CAPN3: variants seen among roughly 807,000 people sequenced by gnomAD.
CAPN3 encodes calpain-3.
A neutral mutation model predicts 114.0 loss-of-function variants in CAPN3; 88 were observed. The observed-to-expected ratio is 0.77, with a 90% confidence interval of 0.65 to 0.92. The LOEUF is 0.92. Among genes scored for constraint, CAPN3 ranks in the 40% least tolerant of loss-of-function variants. CAPN3 has a pLI of 0.00. For missense variants in CAPN3, 1,028 were observed against 1,069.0 expected (o/e 0.96, Z 0.53); for synonymous variants, 386 against 382.9 (o/e 1.01, Z -0.09).
intron 6 of CAPN3, among the ~76,000 whole-genome samples, chr15:42,391,843 G>A (rs28364437): frequency 0.012 from 1,786 of 152,276 alleles, 25 homozygotes; most frequent in Non-Finnish European, 0.019. Context: ...TTCCAGGTGG[G>A]TGTGGAGGAG....
Position 42,412,012 on chromosome 15 carries a change from G to A in CAPN3, c.*239G>A. The A allele has an allele frequency of 1.3e-6, 2 of 1,507,554 alleles. No individual in the cohort carries two copies. Among genetic ancestry groups the A allele is most frequent in the Non-Finnish European group, 8.8e-7 (1 of 1,131,674 alleles). The allele number at this position is 1,507,554 out of a possible 1,614,324, so 93.4% of individuals were successfully genotyped here. On this transcript the variant is annotated 3_prime_UTR_variant, in exon 24 of 24. Coordinates refer to ENST00000397163, the MANE Select transcript of CAPN3 (RefSeq NM_000070.3). ...GAACAAACCCTTGTCCCTTTGCCATGTGGAGGAAAGTGCCTGCCTCTGGTC... is the reference window on the plus strand; with the variant it reads ...GAACAAACCCTTGTCCCTTTGCCATATGGAGGAAAGTGCCTGCCTCTGGTC...
chr15:42,411,633 G>C (rs997311261), intron 23 of CAPN3, 114 bp from the exon 24 acceptor site: 61 of 779,778 alleles, frequency 7.8e-5, no homozygotes, highest in Non-Finnish European at 1.3e-4. Context: ...AATCTTCTGG[G>C]GGTCTGACCT....
chr15:42,410,025 T>A, intron 19 of CAPN3, 30 bp downstream of exon 19: 1 of 1,605,894 alleles, frequency 6.2e-7, no homozygotes. Context: ...TTCCCGACCC[T>A]CTGTCATCAG....
chr15:42,381,345 TCTGATTAAG>T (rs2053246404), intron 1 of CAPN3, among the ~76,000 whole-genome samples: 2 of 152,206 alleles, frequency 1.3e-5, no homozygotes, highest in Admixed American at 1.3e-4. Flanking sequence ...CTTTTGTTTG[TCTGATTAAG>T]CTGCAGAATA....
intron 1 of CAPN3, among the ~76,000 whole-genome samples, chr15:42,363,599 CT>C (rs2052704559): frequency 6.6e-6 from 1 of 152,204 alleles, no homozygotes; most frequent in Non-Finnish European, 1.5e-5. Flanking sequence ...GCTCTCTGCC[CT>C]CCTTGCAGTA....
At chr15:42,390,700 C>G (rs2053529052) in intron 6 of CAPN3, among the ~76,000 whole-genome samples, 2 of 151,518 alleles carry the variant, frequency 1.3e-5, no homozygotes. Context: ...TATGCACACA[C>G]TGAATCTGTA....
intron 1 of CAPN3, among the ~76,000 whole-genome samples, chr15:42,378,490 G>C (rs114186601): frequency 0.015 from 2,219 of 152,258 alleles, 56 homozygotes; most frequent in African/African-American, 0.051. Context: ...ACTCCCAAAA[G>C]TGATAACCTC....
At position 42,392,743 on chromosome 15, in the gene CAPN3, TG is replaced by T. The variant is rs887256738; in HGVS notation, c.1029+25del. 3.7e-6 allele frequency: 6 copies of T among 1,604,926 alleles called. No individual in the cohort carries two copies. The African/African-American group carries it at 8.0e-5, about 21-fold the overall frequency. Reference sequence around the variant, plus strand: ...ATGAGGTAAGCCTGGTGGGGCTTGGTGGGGCAAGGGCACCCTCCTGGGTTAA... The same window carrying T: ...ATGAGGTAAGCCTGGTGGGGCTTGGTGGGCAAGGGCACCCTCCTGGGTTAA... On this transcript the variant is annotated intron_variant, in intron 7 of 23. Transcript: ENST00000397163.
chr15:42,374,183 T>A (rs917961082), intron 1 of CAPN3: 1 of 134,504 alleles, frequency 7.4e-6, no homozygotes, highest in Middle Eastern at 3.2e-3. Context: ...GTGGAAGAGC[T>A]ATATTAGGCT....
intron 2 of CAPN3, chr15:42,385,830 T>G: frequency 1.8e-6 from 1 of 557,692 alleles, no homozygotes; most frequent in Non-Finnish European, 3.5e-6. Flanking sequence ...CTACAGGTGT[T>G]AGGAAGAACA....
Position 42,409,888 on chromosome 15 carries a change from C to G in CAPN3, c.2051-43C>G, listed in dbSNP as rs759486166. The stretch of plus-strand genomic sequence containing the variant: ...ATGGGGGTGGGGTGGGTGGGGAGTC[C>G]CGTTGTCTCAAAGCAGCTCCTCACT... On this transcript the variant is annotated intron_variant, in intron 18 of 23. Coordinates refer to ENST00000397163, the MANE Select transcript of CAPN3 (RefSeq NM_000070.3). 6 of 1,610,008 alleles carry G rather than the reference C, an allele frequency of 3.7e-6. No homozygotes were observed. The Admixed American group carries it at 1.0e-4, about 27-fold the overall frequency.
At chr15:42,377,389 G>C (rs1319842485) in intron 1 of CAPN3, among the ~76,000 whole-genome samples, 1 of 151,944 alleles carries the variant, frequency 6.6e-6, no homozygotes, top group Non-Finnish European at 1.5e-5. Context: ...ATCATGAATG[G>C]GTGTCAGATT....
rs529161488 is a variant in CAPN3 at position 42,402,725 on chromosome 15, G to A, written c.1537-69G>A. On this transcript the variant is annotated intron_variant, in intron 12 of 23. Transcript: ENST00000397163. ...AGGGAGTTGGGAAGGGACCCTTGGA[G>A]GTGGCTGTGGCAGGACAGGATGTTC... 3.2e-5 allele frequency: 51 copies of A among 1,586,584 alleles called. No individual in the cohort carries two copies. The East Asian group carries it at 1.1e-3, about 33-fold the overall frequency.
Position 42,359,522 on chromosome 15 carries a change from G to T in CAPN3, c.-284G>T. The stretch of plus-strand genomic sequence containing the variant: ...CCTCACTCTCTTTCTCTCTCCCTCT[G>T]GCATGCATGCTGCTGGTAGGAGACC... On this transcript the variant is annotated 5_prime_UTR_variant, in exon 1 of 24. Transcript: ENST00000397163. The T allele has an allele frequency of 7.7e-7, 1 of 1,294,334 alleles. No individual in the cohort carries two copies. The allele number at this position is 1,294,334 out of a possible 1,614,324, so 80.2% of individuals were successfully genotyped here. A position where few individuals can be genotyped will look rare whatever the true frequency, so the allele number is the denominator to read the frequency against.
intron 1 of CAPN3, among the ~76,000 whole-genome samples, chr15:42,380,143 C>T (rs895235830): frequency 2.6e-5 from 4 of 151,988 alleles, no homozygotes; most frequent in Non-Finnish European, 4.4e-5. Flanking sequence ...AACATATAGT[C>T]GAGTCTTGTT....
At chr15:42,400,163 T>G (rs62022284) in intron 10 of CAPN3, among the ~76,000 whole-genome samples, 237 of 152,354 alleles carry the variant, frequency 1.6e-3, no homozygotes, top group Non-Finnish European at 2.5e-3. Flanking sequence ...AATGTGCATC[T>G]CTTTCACATT....
Position 42,401,789 on chromosome 15 carries a change from C to T in CAPN3, c.1503C>T (p.Thr501=), listed in dbSNP as rs1462291517. The part of the protein sequence containing the change: ...KDRKLGASLF[T]IGFAIYEVPK... ...GGAAGCTAGGGGCCAGTCTCTTCAC[C>T]ATTGGCTTCGCCATCTACGAGGTGT... Residue 501 remains threonine, a synonymous_variant, in exon 11 of 24, where the codon ACC becomes ACT. Coordinates refer to ENST00000397163, the MANE Select transcript of CAPN3 (RefSeq NM_000070.3). 4 of 1,613,708 alleles carry T rather than the reference C, an allele frequency of 2.5e-6. No homozygotes were observed. The Admixed American group carries it at 5.0e-5, about 20-fold the overall frequency.
intron 8 of CAPN3, among the ~76,000 whole-genome samples, chr15:42,394,879 A>C (rs1269811801): frequency 6.6e-6 from 1 of 152,178 alleles, no homozygotes; most frequent in Non-Finnish European, 1.5e-5. Context: ...AATAACAAAC[A>C]TGCGAAGTTA....
chr15:42,360,493 A>G (rs2052613919), intron 1 of CAPN3, among the ~76,000 whole-genome samples: 1 of 152,146 alleles, frequency 6.6e-6, no homozygotes. Context: ...TTCGTTTTAA[A>G]TATTATTCAT....
Sources: allele counts gnomAD v4.1 joint callset (sites outside exome capture counted in the v4.1 genomes callset), GRCh38; gene constraint gnomAD v4.1.1; transcripts MANE v1.5; gene names NCBI Gene and HGNC (gene_info 2026-07-23, HGNC 2026-07-21).